CRB1: variants seen among roughly 807,000 people sequenced by gnomAD.
CRB1 encodes protein crumbs homolog 1.
In CRB1, 83 loss-of-function variants were observed where a neutral mutation model predicts 120.0. The observed-to-expected ratio is 0.69, with a 90% CI of 0.58 to 0.83. CRB1 has a LOEUF of 0.83. CRB1 is among the 40% of genes least tolerant of loss of function. The pLI is 0.00. For missense variants in CRB1, 1,699 were observed against 1,687.6 expected (o/e 1.01, Z -0.12); for synonymous variants, 625 against 612.5 (o/e 1.02, Z -0.30).
chr1:197,454,146 A>G (rs900028529), intron 11 of CRB1, among the ~76,000 whole-genome samples: 1 of 151,408 alleles, frequency 6.6e-6, no homozygotes, highest in Non-Finnish European at 1.5e-5. Flanking sequence ...TTAATTATAC[A>G]AGATGAATAA....
At chr1:197,396,042 G>A (rs577002296) in intron 5 of CRB1, among the ~76,000 whole-genome samples, 2 of 152,202 alleles carry the variant, frequency 1.3e-5, no homozygotes, top group African/African-American at 4.8e-5. Context: ...TTGGAAAAAA[G>A]TAATTAAAAC....
the CRB1 span, among the ~76,000 whole-genome samples, chr1:197,240,781 A>G: frequency 1.3e-4 from 20 of 152,302 alleles, no homozygotes; most frequent in Admixed American, 3.9e-4. Context: ...ATCCTTGAGG[A>G]ATCACCACAT....
the CRB1 span, among the ~76,000 whole-genome samples, chr1:197,259,983 T>TAA: frequency 3.0e-4 from 40 of 131,170 alleles, no homozygotes; most frequent in African/African-American, 9.6e-4. Context: ...GCCCCATGTC[T>TAA]AAAAAAAAAA....
At chr1:197,281,079 T>G (rs1023351264) in intron 1 of CRB1, among the ~76,000 whole-genome samples, 2 of 151,918 alleles carry the variant, frequency 1.3e-5, no homozygotes, top group Non-Finnish European at 2.9e-5. Flanking sequence ...GCATGTCATT[T>G]ACAGACTAGG....
At chr1:197,208,998 A>C in the CRB1 span, among the ~76,000 whole-genome samples, 1 of 152,156 alleles carries the variant, frequency 6.6e-6, no homozygotes, top group Non-Finnish European at 1.5e-5. Context: ...GGTCACCAAG[A>C]AAGTGAGAGA....
At chr1:197,468,385 A>G (rs1223702693) in intron 11 of CRB1, among the ~76,000 whole-genome samples, 1 of 151,600 alleles carries the variant, frequency 6.6e-6, no homozygotes, top group Admixed American at 6.6e-5. Context: ...AGGATCTAAT[A>G]TGCTGTCTGA....
intron 1 of CRB1, among the ~76,000 whole-genome samples, chr1:197,292,239 A>G (rs539927426): frequency 6.6e-6 from 1 of 152,170 alleles, no homozygotes; most frequent in Non-Finnish European, 1.5e-5. Flanking sequence ...AGGGGATATC[A>G]CCACCAATCC....
At chr1:197,441,061 C>A (rs771317820) in intron 10 of CRB1, 14 of 152,238 alleles carry the variant, frequency 9.2e-5, no homozygotes, top group Non-Finnish European at 1.6e-4. Context: ...TACCTCACCC[C>A]CTTTCATTTT....
At chr1:197,437,267 A>G (rs1348081427) in intron 9 of CRB1, among the ~76,000 whole-genome samples, 2 of 152,126 alleles carry the variant, frequency 1.3e-5, no homozygotes, top group African/African-American at 4.8e-5. Flanking sequence ...ACCTATAAGA[A>G]GTTGTACATC....
At chr1:197,475,691 A>G (rs193251256) in intron 11 of CRB1, among the ~76,000 whole-genome samples, 3 of 152,232 alleles carry the variant, frequency 2.0e-5, no homozygotes, top group South Asian at 2.1e-4. Context: ...TTTCTTAACA[A>G]GACCCTTCTA....
intron 5 of CRB1, among the ~76,000 whole-genome samples, chr1:197,404,738 T>C (rs1663253543): frequency 6.6e-6 from 1 of 152,220 alleles, no homozygotes; most frequent in African/African-American, 2.4e-5. Flanking sequence ...ACAGCAATTA[T>C]TATTGTTGTT....
At chr1:197,285,317 G>C (rs558554418) in intron 1 of CRB1, among the ~76,000 whole-genome samples, 102 of 151,968 alleles carry the variant, frequency 6.7e-4, no homozygotes, top group Non-Finnish European at 1.2e-3. Flanking sequence ...ATAGAGAGAT[G>C]ATGGGGACAG....
chr1:197,347,354 G>T lies in CRB1; in HGVS notation c.863G>T (p.Cys288Phe), dbSNP rs148240351. The change falls in exon 4 of 12, where the codon TGC (cysteine) becomes TTC (phenylalanine). Residue 288 changes from cysteine (C) to phenylalanine (F), a missense_variant. Cys to Phe is a radical substitution (Grantham distance 205). Transcript: ENST00000367400. Reference sequence around the variant, plus strand: ...TTACTTTCCAGATATAGCTGTAACTGCACGGGTAGTGGATTCACAGGGACA... The same window carrying T: ...TTACTTTCCAGATATAGCTGTAACTTCACGGGTAGTGGATTCACAGGGACA... ...VDGENRYSCNCTGSGFTGTHC... is the reference protein window; with the variant it reads ...VDGENRYSCNFTGSGFTGTHC... 13 of 1,613,748 alleles carry T rather than the reference G, an allele frequency of 8.1e-6. No homozygotes were observed. In the African/African-American group the frequency reaches 1.5e-4, roughly 18 times the overall value.
chr1:197,350,995 C>T (rs952113660), intron 4 of CRB1, among the ~76,000 whole-genome samples: 28 of 151,576 alleles, frequency 1.8e-4, no homozygotes, highest in Admixed American at 1.3e-3. Flanking sequence ...AAATGAAGAA[C>T]GGAAGGAGAA....
At chr1:197,328,294 A>C in intron 1 of CRB1, 128 bp from the exon 2 acceptor site, 1 of 716,186 alleles carries the variant, frequency 1.4e-6, no homozygotes, top group Non-Finnish European at 2.4e-6. Flanking sequence ...TAGTTTTTTC[A>C]TTAGGATGAA....
chr1:197,362,328 G>C (rs1177562697), intron 5 of CRB1, among the ~76,000 whole-genome samples: 1 of 152,042 alleles, frequency 6.6e-6, no homozygotes, highest in African/African-American at 2.4e-5. Flanking sequence ...AAAACAACAT[G>C]TGTTCTGCTA....
At chr1:197,411,593 C>T (rs1375243669) in intron 5 of CRB1, among the ~76,000 whole-genome samples, 1 of 152,108 alleles carries the variant, frequency 6.6e-6, no homozygotes, top group African/African-American at 2.4e-5. Context: ...CTATTCCATT[C>T]TGTCCCAACC....
the CRB1 span, among the ~76,000 whole-genome samples, chr1:197,224,345 C>T: frequency 1.8e-4 from 28 of 152,244 alleles, no homozygotes; most frequent in African/African-American, 4.8e-4. Flanking sequence ...GAATATATTA[C>T]AGCTGCAATG....
intron 2 of CRB1, among the ~76,000 whole-genome samples, 154 bp downstream of exon 2, chr1:197,329,157 T>G (rs942601673): frequency 3.9e-5 from 6 of 152,250 alleles, no homozygotes; most frequent in African/African-American, 1.4e-4. Context: ...CCTAAACTGC[T>G]GAAAATCCAC....
Sources: gnomAD v4.1 joint callset for allele counts (sites outside exome capture counted in the v4.1 genomes callset) on GRCh38, gnomAD v4.1.1 for gene constraint, MANE v1.5 for transcripts, NCBI Gene and HGNC (gene_info 2026-07-23, HGNC 2026-07-21) for gene names.